The following IL1RAPL1 variants were observed in gnomAD, a reference collection of about 807,000 sequenced individuals.
The protein encoded by IL1RAPL1 is interleukin 1 receptor accessory protein like 1.
Under a neutral mutation model 48.4 loss-of-function variants are expected in IL1RAPL1, and 3 were observed. The ratio of observed to expected loss-of-function variants is 0.06; its 90% confidence interval spans 0.03 to 0.16. The LOEUF is 0.16. IL1RAPL1 is among the 10% of genes least tolerant of loss of function. IL1RAPL1 has a pLI of 1.00. For synonymous variants in IL1RAPL1, 185 were observed against 187.7 expected (o/e 0.99, Z 0.12); for missense variants, 349 against 530.6 (o/e 0.66, Z 3.36).
At chrX:29,752,138 A>G (rs1415796452) in intron 6 of IL1RAPL1, among the ~76,000 whole-genome samples, 1 of 101,572 alleles carries the variant, frequency 9.8e-6, no homozygotes, top group East Asian at 3.0e-4. Context: ...ACAGATGTAC[A>G]AATTTTTAAT....
intron 2 of IL1RAPL1, among the ~76,000 whole-genome samples, chrX:29,041,679 A>T (rs1313373509): frequency 2.3e-4 from 26 of 111,856 alleles, no homozygotes; most frequent in Non-Finnish European, 4.5e-4. Context: ...GGGAATTCTA[A>T]TAACCCATAT....
intron 5 of IL1RAPL1, among the ~76,000 whole-genome samples, chrX:29,520,860 C>G (rs917017556): frequency 9.0e-6 from 1 of 111,140 alleles, no homozygotes; most frequent in African/African-American, 3.3e-5. Flanking sequence ...TAGGTCTTAA[C>G]AAGTAGGGTT....
At chrX:29,596,370 T>A (rs1388113674) in intron 5 of IL1RAPL1, among the ~76,000 whole-genome samples, 1 of 112,424 alleles carries the variant, frequency 8.9e-6, no homozygotes, top group East Asian at 2.8e-4. Context: ...GAGCATAGTA[T>A]GTGTTTCTAT....
chrX:28,715,531 C>A (rs188595482), intron 1 of IL1RAPL1, among the ~76,000 whole-genome samples: 1 of 111,302 alleles, frequency 9.0e-6, no homozygotes, highest in East Asian at 2.8e-4. Context: ...TACAAACAAC[C>A]ATCAGAAAAT....
intron 5 of IL1RAPL1, among the ~76,000 whole-genome samples, chrX:29,651,317 C>T (rs960618375): frequency 9.0e-6 from 1 of 111,083 alleles, no homozygotes; most frequent in African/African-American, 3.3e-5. Context: ...AACATATGCA[C>T]TTCTATGTAT....
At chrX:29,897,091 G>T (rs1258823023) in intron 6 of IL1RAPL1, among the ~76,000 whole-genome samples, 7 of 112,331 alleles carry the variant, frequency 6.2e-5, no homozygotes, top group Non-Finnish European at 1.3e-4. Context: ...GGTAATCATT[G>T]TGCTTCATGA....
At chrX:29,882,895 G>A (rs1042517845) in intron 6 of IL1RAPL1, among the ~76,000 whole-genome samples, 2 of 111,751 alleles carry the variant, frequency 1.8e-5, no homozygotes, top group Non-Finnish European at 3.8e-5. Context: ...AACTACCATG[G>A]TTTGAAGATT....
At chrX:28,727,433 G>A in intron 1 of IL1RAPL1, among the ~76,000 whole-genome samples, 1 of 101,761 alleles carries the variant, frequency 9.8e-6, no homozygotes, top group Admixed American at 1.1e-4. Context: ...GGAGATTTTG[G>A]GCTGAGACAA....
chrX:28,883,539 T>C (rs1601943826), intron 2 of IL1RAPL1, among the ~76,000 whole-genome samples: 2 of 112,348 alleles, frequency 1.8e-5, no homozygotes, highest in East Asian at 5.6e-4. Flanking sequence ...GACTTGTAAG[T>C]ATTGCCAGTG....
chrX:29,506,606 A>G (rs999626362), intron 5 of IL1RAPL1, among the ~76,000 whole-genome samples: 3 of 110,621 alleles, frequency 2.7e-5, no homozygotes, highest in African/African-American at 9.9e-5. Context: ...GGAGGTATCC[A>G]AGGGGATATT....
At chrX:28,754,681 T>C (rs1936087203) in intron 1 of IL1RAPL1, among the ~76,000 whole-genome samples, 1 of 112,169 alleles carries the variant, frequency 8.9e-6, no homozygotes, top group Non-Finnish European at 1.9e-5. Flanking sequence ...TACCAGTGTA[T>C]GTAAGTGTAT....
chrX:29,288,068 TAA>T (rs1407307532), intron 3 of IL1RAPL1, among the ~76,000 whole-genome samples: 2 of 112,340 alleles, frequency 1.8e-5, no homozygotes, highest in East Asian at 2.8e-4. Context: ...ATTTTACATT[TAA>T]GTCTGTAATT....
chrX:29,663,625 G>A (rs55807010), intron 5 of IL1RAPL1, among the ~76,000 whole-genome samples: 4,133 of 111,839 alleles, frequency 0.037, 186 homozygotes, highest in African/African-American at 0.12. Context: ...TTATAGTCCT[G>A]TACATTGCCT....
intron 2 of IL1RAPL1, among the ~76,000 whole-genome samples, chrX:29,270,552 C>A (rs1377822206): frequency 9.0e-6 from 1 of 111,654 alleles, no homozygotes; most frequent in Admixed American, 9.5e-5. Flanking sequence ...CACTGAATTG[C>A]CTTTTTGCTT....
intron 1 of IL1RAPL1, among the ~76,000 whole-genome samples, chrX:28,764,424 C>T (rs780511395): frequency 1.1e-3 from 124 of 111,438 alleles, no homozygotes; most frequent in Non-Finnish European, 1.9e-3. Flanking sequence ...AACATACAGC[C>T]GGATGCAGTG....
intron 6 of IL1RAPL1, among the ~76,000 whole-genome samples, chrX:29,803,549 G>A (rs1367522394): frequency 1.0e-5 from 1 of 98,110 alleles, no homozygotes; most frequent in African/African-American, 3.7e-5. Flanking sequence ...ATATGTATAT[G>A]TGTGTATATA....
At chrX:29,917,691 T>C (rs1932809729) in intron 7 of IL1RAPL1, 95 bp downstream of exon 7, 1 of 699,737 alleles carries the variant, frequency 1.4e-6, no homozygotes, top group African/African-American at 2.2e-5. Flanking sequence ...TTTGTTTTAC[T>C]AGTATCATAA....
chrX:29,037,880 T>C (rs988965287), intron 2 of IL1RAPL1, among the ~76,000 whole-genome samples: 2 of 111,819 alleles, frequency 1.8e-5, no homozygotes, highest in Non-Finnish European at 3.8e-5. Flanking sequence ...AGGTCAGTTT[T>C]CAATGATCCA....
chrX:29,240,031 T>C (rs940343988), intron 2 of IL1RAPL1, among the ~76,000 whole-genome samples: 1 of 106,679 alleles, frequency 9.4e-6, no homozygotes, highest in African/African-American at 3.5e-5. Context: ...AGTCTTCCTT[T>C]AAGGTCAGTT....
Sources: gnomAD v4.1 joint callset for allele counts (sites outside exome capture counted in the v4.1 genomes callset) on GRCh38, gnomAD v4.1.1 for gene constraint, MANE v1.5 for transcripts, NCBI Gene and HGNC (gene_info 2026-07-23, HGNC 2026-07-21) for gene names.